CSMD1: variants seen among roughly 807,000 people sequenced by gnomAD.
CSMD1 encodes CUB and sushi domain-containing protein 1.
CSMD1 carries 213 observed loss-of-function variants against 417.5 expected under a neutral mutation model. The ratio of observed to expected loss-of-function variants is 0.51; its 90% CI spans 0.46 to 0.57. CSMD1 has a LOEUF of 0.57. Among genes scored for constraint, CSMD1 ranks in the 20% least tolerant of loss-of-function variants. The pLI, the probability that CSMD1 is intolerant of heterozygous loss-of-function variation, is 0.00. For missense variants in CSMD1, 6,923 were observed against 4,529.7 expected, an observed-to-expected ratio of 1.53 and a Z score of -15.17; for synonymous variants, 2,862 against 1,736.8, an observed-to-expected ratio of 1.65 and a Z score of -16.11.
chr8:3,755,569 G>C (rs954014847), intron 5 of CSMD1, among the ~76,000 whole-genome samples: 1 of 151,970 alleles, frequency 6.6e-6, no homozygotes, highest in African/African-American at 2.4e-5. Flanking sequence ...TAAAGCTGAG[G>C]ACCTGATTTC....
At chr8:4,087,083 C>G (rs555891718) in intron 3 of CSMD1, among the ~76,000 whole-genome samples, 2 of 152,220 alleles carry the variant, frequency 1.3e-5, no homozygotes, top group Non-Finnish European at 2.9e-5. Context: ...GTCATCCAAG[C>G]TTAGCCTTTC....
intron 1 of CSMD1, among the ~76,000 whole-genome samples, chr8:4,693,098 A>G (rs1806882386): frequency 6.6e-6 from 1 of 152,212 alleles, no homozygotes; most frequent in African/African-American, 2.4e-5. Context: ...TCCTCTCGGA[A>G]GTTCCCAGGG....
At chr8:4,940,733 C>T (rs555505247) in intron 1 of CSMD1, among the ~76,000 whole-genome samples, 1 of 152,258 alleles carries the variant, frequency 6.6e-6, no homozygotes, top group Admixed American at 6.5e-5. Context: ...CACAAATCTC[C>T]AGGGTAGCAG....
At chr8:4,685,220 G>C (rs1349159675) in intron 1 of CSMD1, among the ~76,000 whole-genome samples, 1 of 152,178 alleles carries the variant, frequency 6.6e-6, no homozygotes, top group African/African-American at 2.4e-5. Context: ...CGTAAACAAA[G>C]TGCTGCATGG....
At chr8:4,182,340 C>T (rs568456271) in intron 3 of CSMD1, among the ~76,000 whole-genome samples, 1 of 152,158 alleles carries the variant, frequency 6.6e-6, no homozygotes, top group Admixed American at 6.5e-5. Flanking sequence ...TTGTAATCCC[C>T]AATACACCTT....
At chr8:4,131,756 CTTTTTTTTT>C (rs10650865) in intron 3 of CSMD1, among the ~76,000 whole-genome samples, 2 of 87,426 alleles carry the variant, frequency 2.3e-5, no homozygotes, top group Non-Finnish European at 4.0e-5. Context: ...ACAAATGTGA[CTTTTTTTTT>C]TTTTTTTTTT....
chr8:4,466,509 G>A (rs976317550), intron 2 of CSMD1, among the ~76,000 whole-genome samples: 3 of 152,120 alleles, frequency 2.0e-5, no homozygotes, highest in African/African-American at 7.2e-5. Flanking sequence ...GAAGTTTATT[G>A]TTTAGAAGGC....
chr8:4,537,515 C>T (rs943596581), intron 2 of CSMD1, among the ~76,000 whole-genome samples: 5 of 152,132 alleles, frequency 3.3e-5, no homozygotes, highest in African/African-American at 7.2e-5. Context: ...TATGTTATTA[C>T]AGACTAGTTT....
At chr8:4,242,751 T>C (rs1465282145) in intron 3 of CSMD1, among the ~76,000 whole-genome samples, 1 of 152,178 alleles carries the variant, frequency 6.6e-6, no homozygotes, top group Non-Finnish European at 1.5e-5. Context: ...GGGCACAATC[T>C]GAACATCCCT....
Position 4,261,860 on chromosome 8 carries a change from A to G in CSMD1, c.415+158093T>C, listed in dbSNP as rs559497759. 3.3e-5 allele frequency among the ~76,000 whole-genome samples: 5 copies of G among 152,328 alleles called. No individual in the cohort carries two copies. In the East Asian group the frequency reaches 7.7e-4, roughly 24 times the overall value. On this transcript the variant is annotated intron_variant, in intron 3 of 69. Transcript: ENST00000635120. ...ATAAAGATTTTGTTCATTATACCCT[A>G]ATGAAACTAGACAAAATGTGTTAAA... is the stretch of plus-strand genomic sequence containing the variant.
intron 7 of CSMD1, among the ~76,000 whole-genome samples, chr8:3,635,702 C>G (rs1303175030): frequency 6.7e-6 from 1 of 148,868 alleles, no homozygotes; most frequent in Non-Finnish European, 1.5e-5. Context: ...CCAGGATGGT[C>G]TCAATCTCCT....
chr8:3,665,652 T>C (rs550229898), intron 7 of CSMD1, among the ~76,000 whole-genome samples: 10 of 152,298 alleles, frequency 6.6e-5, no homozygotes, highest in South Asian at 2.1e-4. Context: ...ATTGAAAAAT[T>C]CCACTTAATG....
intron 7 of CSMD1, among the ~76,000 whole-genome samples, chr8:3,681,118 A>C (rs958386533): frequency 1.3e-5 from 2 of 152,204 alleles, no homozygotes; most frequent in Non-Finnish European, 2.9e-5. Context: ...ATTCCCTTTG[A>C]AAACTGGCAC....
chr8:4,132,242 C>T (rs1477311663), intron 3 of CSMD1, among the ~76,000 whole-genome samples: 1 of 135,328 alleles, frequency 7.4e-6, no homozygotes, highest in Non-Finnish European at 1.5e-5. Flanking sequence ...CCCTTTCTAA[C>T]ATCTAGCACT....
At chr8:4,592,151 A>C (rs918768588) in intron 2 of CSMD1, among the ~76,000 whole-genome samples, 6 of 151,624 alleles carry the variant, frequency 4.0e-5, no homozygotes, top group African/African-American at 1.5e-4. Context: ...AACATTTGCC[A>C]ATTTCTGTGG....
At chr8:4,791,594 G>C (rs1585104652) in intron 1 of CSMD1, among the ~76,000 whole-genome samples, 1 of 152,168 alleles carries the variant, frequency 6.6e-6, no homozygotes, top group African/African-American at 2.4e-5. Flanking sequence ...ATCTGAAGCA[G>C]GACCTTAAGC....
intron 37 of CSMD1, among the ~76,000 whole-genome samples, chr8:3,162,759 T>C (rs191593684): frequency 9.9e-5 from 15 of 152,110 alleles, no homozygotes; most frequent in Admixed American, 9.2e-4. Flanking sequence ...TCAATCTCTC[T>C]CTCTCTTTCT....
intron 6 of CSMD1, among the ~76,000 whole-genome samples, chr8:3,709,476 C>T (rs1043723064): frequency 2.0e-5 from 3 of 152,000 alleles, no homozygotes; most frequent in South Asian, 4.2e-4. Context: ...AGACATTGGG[C>T]CAGAGGAGAT....
chr8:4,069,748 G>A (rs548379138), intron 3 of CSMD1, among the ~76,000 whole-genome samples: 1 of 152,226 alleles, frequency 6.6e-6, no homozygotes, highest in East Asian at 1.9e-4. Context: ...TAGGAATGCT[G>A]TCTACTTCAC....
Sources: allele counts gnomAD v4.1 joint callset (sites outside exome capture counted in the v4.1 genomes callset), GRCh38; gene constraint gnomAD v4.1.1; transcripts MANE v1.5; gene names NCBI Gene and HGNC (gene_info 2026-07-23, HGNC 2026-07-21).